The following RNF150 variants were observed in gnomAD, a reference collection of about 807,000 sequenced individuals.
The protein encoded by RNF150 is ring finger protein 150.
In RNF150, 24 loss-of-function variants were observed where a neutral mutation model predicts 39.3. The observed-to-expected ratio is 0.61, with a 90% CI of 0.44 to 0.86. The LOEUF is 0.86. Ranked by LOEUF, RNF150 falls within the 40% of genes least tolerant of loss-of-function variation. The probability of loss-of-function intolerance (pLI) is 0.00; values close to 1 mark genes in which losing one functional copy is unlikely to be tolerated. For missense variants in RNF150, 502 were observed against 587.8 expected (o/e 0.85, Z 1.51); for synonymous variants, 255 against 227.3 (o/e 1.12, Z -1.10).
intron 1 of RNF150, among the ~76,000 whole-genome samples, chr4:141,046,312 T>C (rs1736574261): frequency 6.6e-6 from 1 of 152,202 alleles, no homozygotes; most frequent in African/African-American, 2.4e-5. Context: ...AACACTCCTC[T>C]TTAAATAGAC....
intron 1 of RNF150, among the ~76,000 whole-genome samples, chr4:141,115,136 T>A (rs1450641859): frequency 6.6e-6 from 1 of 152,198 alleles, no homozygotes; most frequent in Non-Finnish European, 1.5e-5. Context: ...TTGGAAGTTC[T>A]GGCTAGGGCA....
intron 1 of RNF150, among the ~76,000 whole-genome samples, chr4:141,026,452 T>C (rs1224996529): frequency 6.6e-6 from 1 of 152,200 alleles, no homozygotes; most frequent in African/African-American, 2.4e-5. Flanking sequence ...TTATGGCTAG[T>C]GGCGACTGCA....
intron 1 of RNF150, among the ~76,000 whole-genome samples, chr4:141,096,503 T>A (rs1206201888): frequency 6.6e-6 from 1 of 151,462 alleles, no homozygotes; most frequent in African/African-American, 2.4e-5. Context: ...CAGCCAAGAG[T>A]TTTTAGCTTC....
chr4:141,062,384 T>A (rs1737271143), intron 1 of RNF150, among the ~76,000 whole-genome samples: 1 of 152,140 alleles, frequency 6.6e-6, no homozygotes, highest in Non-Finnish European at 1.5e-5. Flanking sequence ...TATATATGTA[T>A]GTCTACACAC....
At chr4:140,948,758 C>G (rs1732424639) in intron 3 of RNF150, among the ~76,000 whole-genome samples, 1 of 152,174 alleles carries the variant, frequency 6.6e-6, no homozygotes, top group Non-Finnish European at 1.5e-5. Context: ...GTTCTGAATA[C>G]TGGATTTCAG....
chr4:141,202,339 G>A (rs1421194595), intron 1 of RNF150, among the ~76,000 whole-genome samples: 1 of 152,044 alleles, frequency 6.6e-6, no homozygotes, highest in Non-Finnish European at 1.5e-5. Flanking sequence ...AAGAGAGCTA[G>A]GAGAACTTCC....
intron 1 of RNF150, among the ~76,000 whole-genome samples, chr4:141,110,957 C>T (rs1052499076): frequency 8.5e-5 from 13 of 152,114 alleles, no homozygotes; most frequent in Admixed American, 1.3e-4. Context: ...TCAGTGATTT[C>T]GGCAATCTGA....
At chr4:141,194,859 G>C (rs769232682) in intron 1 of RNF150, among the ~76,000 whole-genome samples, 1 of 152,122 alleles carries the variant, frequency 6.6e-6, no homozygotes, top group Non-Finnish European at 1.5e-5. Context: ...TTCATCTTGT[G>C]CTTCAGTTGC....
At chr4:140,965,287 G>A (rs994133286) in intron 2 of RNF150, among the ~76,000 whole-genome samples, 1 of 152,068 alleles carries the variant, frequency 6.6e-6, no homozygotes, top group Admixed American at 6.6e-5. Flanking sequence ...TACACTGTTG[G>A]TGGGAATGTA....
At chr4:141,168,259 G>A (rs142252120) in intron 1 of RNF150, among the ~76,000 whole-genome samples, 172 of 152,174 alleles carry the variant, frequency 1.1e-3, no homozygotes, top group Middle Eastern at 6.8e-3. Flanking sequence ...CATCTCACAC[G>A]AGTTAGAATG....
intron 1 of RNF150, among the ~76,000 whole-genome samples, chr4:141,179,455 C>A (rs762243269): frequency 6.6e-6 from 1 of 152,130 alleles, no homozygotes; most frequent in Non-Finnish European, 1.5e-5. Context: ...CTTTTGAAGG[C>A]AAAACTTATT....
intron 1 of RNF150, among the ~76,000 whole-genome samples, chr4:141,146,357 C>A (rs1560758928): frequency 6.6e-6 from 1 of 152,122 alleles, no homozygotes; most frequent in Admixed American, 6.5e-5. Flanking sequence ...AGAATATTCA[C>A]AAGAGAATTA....
intron 6 of RNF150, among the ~76,000 whole-genome samples, chr4:140,892,871 G>C (rs947700034): frequency 1.3e-5 from 2 of 150,730 alleles, no homozygotes; most frequent in African/African-American, 4.9e-5. Flanking sequence ...GACCAGCCTG[G>C]GCAACATAGT....
At chr4:141,005,424 G>A (rs996481647) in intron 1 of RNF150, among the ~76,000 whole-genome samples, 2 of 152,166 alleles carry the variant, frequency 1.3e-5, no homozygotes, top group African/African-American at 4.8e-5. Context: ...GTTAAGCAGA[G>A]GAGAAGGAGC....
intron 1 of RNF150, among the ~76,000 whole-genome samples, chr4:141,080,929 C>T (rs533026103): frequency 7.6e-4 from 115 of 152,242 alleles, no homozygotes; most frequent in Middle Eastern, 3.4e-3. Context: ...TGTGAGAAGT[C>T]TGATCGCCAA....
chr4:140,960,002 C>G (rs1421665772), intron 2 of RNF150, among the ~76,000 whole-genome samples: 2 of 152,106 alleles, frequency 1.3e-5, no homozygotes, highest in Non-Finnish European at 2.9e-5. Flanking sequence ...ACCCCCATTC[C>G]TGTCTTCTTT....
intron 1 of RNF150, among the ~76,000 whole-genome samples, chr4:141,180,220 G>C (rs566508236): frequency 6.6e-6 from 1 of 152,256 alleles, no homozygotes. Context: ...GTGGCTGTTG[G>C]AGCACAAGCA....
At chr4:140,898,416 G>T (rs1578942906) in intron 6 of RNF150, among the ~76,000 whole-genome samples, 1 of 152,026 alleles carries the variant, frequency 6.6e-6, no homozygotes, top group South Asian at 2.1e-4. Context: ...ATTACATAAA[G>T]TTGATGGTAC....
chr4:141,034,452 C>T (rs1240601890), intron 1 of RNF150, among the ~76,000 whole-genome samples: 1 of 152,134 alleles, frequency 6.6e-6, no homozygotes, highest in African/African-American at 2.4e-5. Context: ...GCTTTCTTAT[C>T]ATTCATTTGT....
Sources: gnomAD v4.1 joint callset for allele counts (sites outside exome capture counted in the v4.1 genomes callset) on GRCh38, gnomAD v4.1.1 for gene constraint, MANE v1.5 for transcripts, NCBI Gene and HGNC (gene_info 2026-07-23, HGNC 2026-07-21) for gene names.